The following RANBP17 variants were observed in gnomAD, a reference collection of about 807,000 sequenced individuals.
RANBP17 encodes RAN binding protein 17.
RANBP17 carries 158 observed loss-of-function variants against 141.2 expected under a neutral mutation model. The observed-to-expected ratio is 1.12, with a 90% confidence interval of 0.98 to 1.28. The LOEUF (loss-of-function observed/expected upper bound fraction) is 1.28, where lower values mean the gene tolerates loss of function less well. RANBP17 is among the 50% of genes most tolerant of loss of function. The pLI is 0.00. For synonymous variants in RANBP17, 430 were observed against 450.0 expected (o/e 0.96, Z 0.56); for missense variants, 1,438 against 1,290.7 (o/e 1.11, Z -1.75).
intron 14 of RANBP17, among the ~76,000 whole-genome samples, chr5:171,094,522 G>A (rs1364986143): frequency 6.6e-6 from 1 of 151,942 alleles, no homozygotes; most frequent in Non-Finnish European, 1.5e-5. Context: ...TGTCCTTTGA[G>A]GATCCTCTTC....
chr5:171,147,421 TG>T (rs1758135033), intron 14 of RANBP17, among the ~76,000 whole-genome samples: 1 of 148,110 alleles, frequency 6.8e-6, no homozygotes, highest in Non-Finnish European at 1.5e-5. Context: ...TTTTTGGTTT[TG>T]TTTTTTGTTT....
intron 1 of RANBP17, among the ~76,000 whole-genome samples, chr5:170,868,116 T>A (rs1448998614): frequency 2.0e-5 from 3 of 152,210 alleles, no homozygotes; most frequent in African/African-American, 7.2e-5. Context: ...ACTCATCATT[T>A]AGGGGCCAAT....
At chr5:171,208,371 T>C (rs1415123572) in intron 20 of RANBP17, among the ~76,000 whole-genome samples, 1 of 152,180 alleles carries the variant, frequency 6.6e-6, no homozygotes, top group African/African-American at 2.4e-5. Flanking sequence ...GGCTGGAGAA[T>C]TGAAGGAAGA....
rs577125408 is a variant in RANBP17, at chr5:171,018,094, T to A, written c.1710+49717T>A. The stretch of plus-strand genomic sequence containing the variant: ...TTATGGTGGTATTTCTGAGGTCTCT[T>A]TTCTGTTCCATTGGTCTGTATGTCT... On this transcript the variant is annotated intron_variant, in intron 14 of 27. Transcript: ENST00000523189. 2.1e-3 allele frequency among the ~76,000 whole-genome samples: 317 copies of A among 152,126 alleles called. 1 individual carries two copies. The highest frequency in any genetic ancestry group is 0.017 in the South Asian group (83 of 4,814).
chr5:171,187,475 A>T (rs936905896), intron 18 of RANBP17, among the ~76,000 whole-genome samples: 22 of 152,280 alleles, frequency 1.4e-4, no homozygotes, highest in African/African-American at 4.8e-4. Context: ...TCTGTGAAGC[A>T]CAATAAAACA....
intron 14 of RANBP17, among the ~76,000 whole-genome samples, chr5:171,040,915 G>A (rs527605531): frequency 3.9e-5 from 6 of 152,242 alleles, no homozygotes; most frequent in South Asian, 2.1e-4. Flanking sequence ...CAGGAATTTC[G>A]GAATGGCTTA....
At chr5:171,112,908 G>A (rs929450613) in intron 14 of RANBP17, among the ~76,000 whole-genome samples, 6 of 152,176 alleles carry the variant, frequency 3.9e-5, no homozygotes, top group African/African-American at 1.4e-4. Context: ...GGGCCTTCTT[G>A]GCTTTGTCAA....
intron 25 of RANBP17, among the ~76,000 whole-genome samples, chr5:171,280,344 C>T (rs906080347): frequency 3.3e-5 from 5 of 152,142 alleles, no homozygotes; most frequent in African/African-American, 1.2e-4. Context: ...GTGGCACAAT[C>T]TCAGCTCACT....
intron 6 of RANBP17, 147 bp from the exon 7 acceptor site, chr5:170,910,822 A>C: frequency 1.4e-6 from 1 of 710,088 alleles, no homozygotes; most frequent in South Asian, 2.1e-5. Context: ...TGAAGAAGGT[A>C]ACATTACTTC....
At chr5:171,083,296 C>G (rs532811033) in intron 14 of RANBP17, among the ~76,000 whole-genome samples, 2 of 152,040 alleles carry the variant, frequency 1.3e-5, no homozygotes, top group East Asian at 3.9e-4. Context: ...ACATAAGTGC[C>G]CTTATAAAAA....
intron 14 of RANBP17, among the ~76,000 whole-genome samples, chr5:171,074,420 A>C (rs1222946543): frequency 6.6e-6 from 1 of 152,238 alleles, no homozygotes; most frequent in Non-Finnish European, 1.5e-5. Context: ...AATCAAAAAA[A>C]GATATTAGTG....
chr5:171,185,052 A>T (rs888309480), intron 18 of RANBP17, among the ~76,000 whole-genome samples: 1 of 152,134 alleles, frequency 6.6e-6, no homozygotes, highest in Non-Finnish European at 1.5e-5. Context: ...AATCCCAGCT[A>T]CTTGGGAGGC....
At chr5:171,256,081 G>A (rs538619663) in intron 24 of RANBP17, among the ~76,000 whole-genome samples, 16 of 152,268 alleles carry the variant, frequency 1.1e-4, no homozygotes, top group African/African-American at 3.6e-4. Flanking sequence ...CTTGATGGCA[G>A]TAGAAAGACC....
chr5:171,282,075 A>G (rs1233172570), intron 25 of RANBP17, among the ~76,000 whole-genome samples: 2 of 152,218 alleles, frequency 1.3e-5, no homozygotes, highest in Admixed American at 1.3e-4. Flanking sequence ...AAATATGTAT[A>G]GCTTACCTAA....
At chr5:171,135,111 T>TA (rs879351279) in intron 14 of RANBP17, among the ~76,000 whole-genome samples, 63 of 145,980 alleles carry the variant, frequency 4.3e-4, no homozygotes, top group East Asian at 3.2e-3. Context: ...CTACTAAAAA[T>TA]AAAAAAAAAA....
chr5:171,062,581 CT>C (rs1783969646), intron 14 of RANBP17, among the ~76,000 whole-genome samples: 1 of 152,266 alleles, frequency 6.6e-6, no homozygotes, highest in African/African-American at 2.4e-5. Context: ...TTCTCTCTGG[CT>C]GCCCTTAAAA....
intron 5 of RANBP17, among the ~76,000 whole-genome samples, chr5:170,901,430 G>T (rs534413974): frequency 2.3e-4 from 35 of 152,198 alleles, no homozygotes; most frequent in African/African-American, 8.2e-4. Flanking sequence ...ACATGAGATG[G>T]GTCTCCTGAA....
At chr5:171,056,369 GTGAA>G in intron 14 of RANBP17, among the ~76,000 whole-genome samples, 1 of 152,106 alleles carries the variant, frequency 6.6e-6, no homozygotes. Flanking sequence ...ACAATCGTTT[GTGAA>G]TGACAACATG....
chr5:171,069,506 G>A (rs1784509543), intron 14 of RANBP17, among the ~76,000 whole-genome samples: 2 of 152,146 alleles, frequency 1.3e-5, no homozygotes, highest in South Asian at 4.1e-4. Flanking sequence ...TTCTTACCCT[G>A]CCATTGTTGT....
Sources: gnomAD v4.1 joint callset for allele counts (sites outside exome capture counted in the v4.1 genomes callset) on GRCh38, gnomAD v4.1.1 for gene constraint, MANE v1.5 for transcripts, NCBI Gene and HGNC (gene_info 2026-07-23, HGNC 2026-07-21) for gene names.